COP1: variants seen among roughly 807,000 people sequenced by gnomAD.
COP1 encodes the protein E3 ubiquitin-protein ligase COP1.
A neutral mutation model predicts 101.3 loss-of-function variants in COP1; 24 were observed. The observed-to-expected ratio is 0.24, with a 90% CI of 0.17 to 0.33. COP1 has a LOEUF of 0.33. Ranked by LOEUF, COP1 falls within the 10% of genes least tolerant of loss-of-function variation. COP1 has a pLI of 1.00. For synonymous variants in COP1, 347 were observed against 341.9 expected, an observed-to-expected ratio of 1.01 and a Z score of -0.17; for missense variants, 663 against 906.2, an observed-to-expected ratio of 0.73 and a Z score of 3.45.
intron 15 of COP1, among the ~76,000 whole-genome samples, chr1:175,996,085 G>A (rs1279673500): frequency 6.6e-6 from 1 of 152,152 alleles, no homozygotes; most frequent in African/African-American, 2.4e-5. Flanking sequence ...ATGCAAGGCT[G>A]GTTCAAAACA....
intron 18 of COP1, among the ~76,000 whole-genome samples, chr1:175,979,715 G>A (rs1199398543): frequency 6.6e-6 from 1 of 152,024 alleles, no homozygotes. Context: ...GTAATTATAT[G>A]TACATATGAA....
chr1:176,123,822 T>C (rs1687548788), intron 8 of COP1, among the ~76,000 whole-genome samples: 1 of 152,180 alleles, frequency 6.6e-6, no homozygotes, highest in South Asian at 2.1e-4. Context: ...CATGTCAGAT[T>C]TAAGAATTTA....
At chr1:175,964,303 T>C (rs1394332134) in intron 18 of COP1, among the ~76,000 whole-genome samples, 6 of 151,944 alleles carry the variant, frequency 3.9e-5, no homozygotes, top group Admixed American at 3.9e-4. Context: ...AGCATAACCT[T>C]GCTAAATAAG....
At chr1:176,058,730 C>G (rs1374976533) in intron 11 of COP1, among the ~76,000 whole-genome samples, 3 of 146,298 alleles carry the variant, frequency 2.1e-5, no homozygotes, top group South Asian at 2.1e-4. Flanking sequence ...TCCCCCTCTG[C>G]GAGAAACACC....
intron 18 of COP1, among the ~76,000 whole-genome samples, chr1:175,970,303 G>C (rs1417671744): frequency 2.0e-5 from 3 of 152,106 alleles, no homozygotes; most frequent in African/African-American, 7.2e-5. Context: ...TGAGAACTTA[G>C]TTAAGCAGAA....
rs180849157 is a variant in COP1, at chr1:176,016,623, G to A, written c.1729+10949C>T. 1.2e-3 allele frequency among the ~76,000 whole-genome samples: 180 copies of A among 152,158 alleles called. 2 individuals are homozygous for A. Among genetic ancestry groups the A allele is most frequent in the Non-Finnish European group, 2.9e-4 (20 of 68,008 alleles). On this transcript the variant is annotated intron_variant, in intron 15 of 19. Coordinates refer to ENST00000367669, the MANE Select transcript of COP1 (RefSeq NM_022457.7). ...GAAACTGCACATTTAAAATGCAGAC[G>A]GAACAGAGATGCCAGGTACATGTAA...
At chr1:176,086,556 G>A (rs750588850) in intron 9 of COP1, among the ~76,000 whole-genome samples, 1 of 152,044 alleles carries the variant, frequency 6.6e-6, no homozygotes, top group South Asian at 2.1e-4. Context: ...TCCAGAAATT[G>A]TTAGAAAATA....
chr1:176,085,148 T>TTCTAAGTA (rs1679905514), intron 10 of COP1, among the ~76,000 whole-genome samples: 1 of 152,206 alleles, frequency 6.6e-6, no homozygotes, highest in Non-Finnish European at 1.5e-5. Context: ...TTGAACATGT[T>TTCTAAGTA]TCTAAGTATC....
At chr1:176,205,669 C>T (rs1220501204) in intron 1 of COP1, among the ~76,000 whole-genome samples, 1 of 152,162 alleles carries the variant, frequency 6.6e-6, no homozygotes, top group Non-Finnish European at 1.5e-5. Flanking sequence ...ATAAAAATTC[C>T]AAAACACTCT....
chr1:176,144,293 G>A (rs1670510288), intron 6 of COP1, among the ~76,000 whole-genome samples: 1 of 151,978 alleles, frequency 6.6e-6, no homozygotes, highest in Non-Finnish European at 1.5e-5. Flanking sequence ...AAACCCACCT[G>A]TATTTCTACA....
At chr1:175,993,789 G>C (rs910297011) in intron 15 of COP1, among the ~76,000 whole-genome samples, 7 of 152,158 alleles carry the variant, frequency 4.6e-5, no homozygotes, top group Non-Finnish European at 8.8e-5. Context: ...GAAAGTGATG[G>C]GGAGAATGGA....
chr1:176,083,011 A>G (rs1679466729), intron 10 of COP1, among the ~76,000 whole-genome samples: 2 of 152,162 alleles, frequency 1.3e-5, no homozygotes, highest in Admixed American at 6.5e-5. Flanking sequence ...AGGCAATATC[A>G]TAACGGTATT....
intron 5 of COP1, among the ~76,000 whole-genome samples, chr1:176,160,972 CT>C (rs1694231675): frequency 6.6e-6 from 1 of 152,168 alleles, no homozygotes; most frequent in South Asian, 2.1e-4. Context: ...ATTCCAACTG[CT>C]TCTTAAACAG....
chr1:176,106,037 T>C (rs992813682), intron 9 of COP1, among the ~76,000 whole-genome samples: 1 of 152,090 alleles, frequency 6.6e-6, no homozygotes, highest in Non-Finnish European at 1.5e-5. Context: ...TTTTGTTTTG[T>C]TTTGTTTTTT....
intron 8 of COP1, among the ~76,000 whole-genome samples, chr1:176,129,089 C>T (rs919742055): frequency 2.6e-5 from 4 of 151,846 alleles, no homozygotes; most frequent in African/African-American, 9.7e-5. Flanking sequence ...AGCTATTATG[C>T]AGTATTGTTT....
At chr1:176,093,568 G>C (rs981993087) in intron 9 of COP1, among the ~76,000 whole-genome samples, 3 of 152,002 alleles carry the variant, frequency 2.0e-5, no homozygotes, top group Non-Finnish European at 4.4e-5. Flanking sequence ...GGCCAGGTGC[G>C]GTGGCTCACA....
At chr1:176,197,953 G>A (rs576046333) in intron 1 of COP1, among the ~76,000 whole-genome samples, 1 of 152,170 alleles carries the variant, frequency 6.6e-6, no homozygotes, top group South Asian at 2.1e-4. Context: ...TTAAAAATAT[G>A]GTGAAAAACC....
At chr1:176,070,599 T>C (rs888278289) in intron 11 of COP1, among the ~76,000 whole-genome samples, 2 of 151,558 alleles carry the variant, frequency 1.3e-5, no homozygotes, top group Non-Finnish European at 2.9e-5. Flanking sequence ...AAGGCAGAGG[T>C]TGCAGTGAGC....
At position 176,025,655 on chromosome 1, in the gene COP1, TGAGGTAGG is replaced by T. The variant is rs1255026458; in HGVS notation, c.1729+1909_1729+1916del. Among the ~76,000 whole-genome samples the T allele has an allele frequency of 2.0e-5, 3 of 152,138 alleles. No homozygotes were observed. In the East Asian group the frequency reaches 5.8e-4, roughly 29 times the overall value. On this transcript the variant is annotated intron_variant, in intron 15 of 19. Transcript: ENST00000367669. Reference sequence around the variant, plus strand: ...CAGTGATCCCAGCACTTTGGGAAGCTGAGGTAGGCAGACTGCTTGAGCCCAGGAGTTTG... The same window carrying T: ...CAGTGATCCCAGCACTTTGGGAAGCTCAGACTGCTTGAGCCCAGGAGTTTG...
Sources: allele counts gnomAD v4.1 joint callset (sites outside exome capture counted in the v4.1 genomes callset), GRCh38; gene constraint gnomAD v4.1.1; transcripts MANE v1.5; gene names NCBI Gene and HGNC (gene_info 2026-07-23, HGNC 2026-07-21).